GAS7: variants seen among roughly 807,000 people sequenced by gnomAD.
GAS7 encodes growth arrest-specific protein 7.
A neutral mutation model predicts 71.1 loss-of-function variants in GAS7; 28 were observed. That is an observed-to-expected ratio of 0.39 (90% CI 0.29 to 0.54). The LOEUF is 0.54. Among genes scored for constraint, GAS7 ranks in the 20% least tolerant of loss-of-function variants. GAS7 has a pLI of 0.62. For synonymous variants in GAS7, 258 were observed against 245.8 expected (o/e 1.05, Z -0.46); for missense variants, 436 against 627.8 (o/e 0.69, Z 3.27).
intron 2 of GAS7, among the ~76,000 whole-genome samples, chr17:10,009,691 C>CAAAAA (rs2071690145): frequency 2.9e-5 from 4 of 136,654 alleles, no homozygotes; most frequent in East Asian, 2.0e-4. Flanking sequence ...AAAAAAAAAC[C>CAAAAA]AAACAAAAAA....
rs1197883569 is a variant in GAS7 at position 9,991,257 on chromosome 17, A to AT, written c.305-9374_305-9373insA. 3.3e-5 allele frequency among the ~76,000 whole-genome samples: 5 copies of AT among 152,212 alleles called. No individual in the cohort carries two copies. In the East Asian group the frequency reaches 9.7e-4, roughly 29 times the overall value. On this transcript the variant is annotated intron_variant, in intron 2 of 13. Coordinates refer to ENST00000432992, the MANE Select transcript of GAS7 (RefSeq NM_201433.2). The stretch of plus-strand genomic sequence containing the variant: ...CCCAAAAGAGGGGTGCTAGGGGTGA[A>AT]GGGGGGCTAGAATGCCTTCTTTAGC...
chr17:10,190,296 T>C (rs2074488087), intron 1 of GAS7, among the ~76,000 whole-genome samples: 1 of 152,062 alleles, frequency 6.6e-6, no homozygotes, highest in Non-Finnish European at 1.5e-5. Context: ...CTTTAAGAAA[T>C]GTTTCTGGCC....
intron 1 of GAS7, among the ~76,000 whole-genome samples, chr17:10,020,614 A>C (rs9897224): frequency 0.2 from 29,837 of 151,530 alleles, 3,141 homozygotes; most frequent in East Asian, 0.27. Context: ...ACAGATGCTA[A>C]AAAAAAAACA....
chr17:10,052,069 C>T (rs2073069406), intron 1 of GAS7, among the ~76,000 whole-genome samples: 1 of 152,104 alleles, frequency 6.6e-6, no homozygotes, highest in Non-Finnish European at 1.5e-5. Context: ...TAGTCTGTCT[C>T]CAAGACTGGT....
intron 2 of GAS7, among the ~76,000 whole-genome samples, chr17:9,990,449 G>A (rs1173048400): frequency 6.6e-6 from 1 of 152,040 alleles, no homozygotes; most frequent in African/African-American, 2.4e-5. Context: ...ACTCCATCAT[G>A]ACTGCCACAA....
chr17:10,021,399 G>A (rs1255362038), intron 1 of GAS7, among the ~76,000 whole-genome samples: 2 of 152,240 alleles, frequency 1.3e-5, no homozygotes, highest in Non-Finnish European at 2.9e-5. Context: ...GCTTCCCGTA[G>A]TGCCCTGCAT....
At chr17:10,050,487 C>G (rs947254933) in intron 1 of GAS7, among the ~76,000 whole-genome samples, 2 of 152,128 alleles carry the variant, frequency 1.3e-5, no homozygotes, top group African/African-American at 4.8e-5. Flanking sequence ...TCCTTGCCCT[C>G]TGCCCACCCT....
rs147858108 is a variant in GAS7, at chr17:9,948,423, G to A, written c.526-1440C>T. On this transcript the variant is annotated intron_variant, in intron 5 of 13. Coordinates refer to ENST00000432992, the MANE Select transcript of GAS7 (RefSeq NM_201433.2). The stretch of plus-strand genomic sequence containing the variant: ...TGGGGGGCCGGGCACGGCAGTTCAC[G>A]CCTGTAATCCCAGCACTTTGGGAGG... Among the ~76,000 whole-genome samples the A allele has an allele frequency of 2.4e-3, 367 of 152,316 alleles. 2 individuals are homozygous for A. The highest frequency in any genetic ancestry group is 8.0e-3 in the African/African-American group (331 of 41,562).
chr17:10,173,328 T>C (rs1039849362), intron 1 of GAS7, among the ~76,000 whole-genome samples: 6 of 152,130 alleles, frequency 3.9e-5, no homozygotes, highest in Non-Finnish European at 7.3e-5. Context: ...TTTCATGTTA[T>C]GTGAATTTTA....
At position 9,911,022 on chromosome 17, in the gene GAS7, T is replaced by C. The variant is rs556035670; in HGVS notation, c.*6206A>G. Reference sequence around the variant, plus strand: ...ATTCCACTTTCATAGGGTTTGCCGATGTGCTCGTGTCTGTGAAGGGGTTGC... The same window carrying C: ...ATTCCACTTTCATAGGGTTTGCCGACGTGCTCGTGTCTGTGAAGGGGTTGC... On this transcript the variant is annotated 3_prime_UTR_variant, in exon 14 of 14. Transcript: ENST00000432992. This position sits in a 1 kb window ranked among gnomAD's most constrained non-coding sequence, Gnocchi z 4.0. 73 of 233,154 alleles carry C rather than the reference T, an allele frequency of 3.1e-4. No homozygotes were observed. Among genetic ancestry groups the C allele is most frequent in the African/African-American group, 1.5e-3 (69 of 45,440 alleles). 14.4% of individuals were successfully genotyped at this position (233,154 alleles called of 1,614,324 possible).
chr17:10,165,032 C>A (rs2074283077), intron 1 of GAS7, among the ~76,000 whole-genome samples: 1 of 151,658 alleles, frequency 6.6e-6, no homozygotes, highest in Non-Finnish European at 1.5e-5. Flanking sequence ...CGCCTGTAGT[C>A]CCAGCACTTT....
At chr17:10,192,336 G>T (rs1178987528) in intron 1 of GAS7, among the ~76,000 whole-genome samples, 1 of 152,196 alleles carries the variant, frequency 6.6e-6, no homozygotes, top group Non-Finnish European at 1.5e-5. Flanking sequence ...TCGCCTTGCT[G>T]CTGTGAGTAA....
At chr17:10,012,707 C>T (rs1301523292) in intron 2 of GAS7, among the ~76,000 whole-genome samples, 1 of 152,174 alleles carries the variant, frequency 6.6e-6, no homozygotes, top group African/African-American at 2.4e-5. Context: ...TCCAAATTCA[C>T]GTGTTGAAAC....
intron 9 of GAS7, among the ~76,000 whole-genome samples, chr17:9,928,404 G>A (rs1173858838): frequency 6.6e-6 from 1 of 151,974 alleles, no homozygotes; most frequent in Admixed American, 6.6e-5. Context: ...TTACAGGCGT[G>A]AGCCACCGTG....
At chr17:10,012,356 C>T (rs377017869) in intron 2 of GAS7, among the ~76,000 whole-genome samples, 3 of 152,168 alleles carry the variant, frequency 2.0e-5, no homozygotes, top group Non-Finnish European at 4.4e-5. Flanking sequence ...GGTGTGATTT[C>T]GGTTCATTGC....
intron 1 of GAS7, among the ~76,000 whole-genome samples, chr17:10,033,085 C>T (rs776143986): frequency 1.3e-5 from 2 of 152,152 alleles, no homozygotes; most frequent in Non-Finnish European, 1.5e-5. Flanking sequence ...CTTTTCTCTT[C>T]GTCCTAAAGA....
intron 1 of GAS7, among the ~76,000 whole-genome samples, chr17:10,060,152 ACT>A (rs1217650166): frequency 1.3e-5 from 2 of 151,892 alleles, no homozygotes; most frequent in African/African-American, 4.8e-5. Flanking sequence ...ATTTGCAAAA[ACT>A]CTACTCCTTA....
At chr17:9,925,134 C>G (rs2041935342) in intron 11 of GAS7, among the ~76,000 whole-genome samples, 1 of 152,048 alleles carries the variant, frequency 6.6e-6, no homozygotes, top group African/African-American at 2.4e-5. Context: ...GCTCTCAGTG[C>G]ATGAAGGAGT....
intron 1 of GAS7, among the ~76,000 whole-genome samples, chr17:10,151,634 T>C (rs956370806): frequency 9.2e-5 from 14 of 152,202 alleles, no homozygotes; most frequent in African/African-American, 3.4e-4. Context: ...AACCTTGACA[T>C]CCTTGGCTCA....
Sources: gnomAD v4.1 joint callset for allele counts (sites outside exome capture counted in the v4.1 genomes callset) on GRCh38, gnomAD v4.1.1 for gene constraint, Gnocchi (gnomAD v3.1) non-coding constraint, MANE v1.5 for transcripts, NCBI Gene and HGNC (gene_info 2026-07-23, HGNC 2026-07-21) for gene names.